MYH1: variants seen among roughly 807,000 people sequenced by gnomAD.
MYH1 encodes myosin heavy chain 1.
MYH1 carries 214 observed loss-of-function variants against 225.6 expected under a neutral mutation model. The observed-to-expected ratio is 0.95, with a 90% CI of 0.85 to 1.06. The LOEUF (loss-of-function observed/expected upper bound fraction) is 1.06. MYH1 is among the 50% of genes least tolerant of loss of function. MYH1 has a pLI of 0.00. For missense variants in MYH1, 2,098 were observed against 2,344.2 expected (o/e 0.89, Z 2.17); for synonymous variants, 774 against 842.3 (o/e 0.92, Z 1.40).
At chr17:10,504,761 A>T in intron 22 of MYH1, 49 bp downstream of exon 22, 2 of 1,603,270 alleles carry the variant, frequency 1.2e-6, no homozygotes, top group Non-Finnish European at 1.7e-6. Context: ...GTGACCACTG[A>T]GCTGAAGTTT....
rs1273469457 is a variant in MYH1 at position 10,512,102 on chromosome 17, T to C, written c.1238A>G (p.Tyr413Cys). 6.8e-6 allele frequency: 11 copies of C among 1,614,078 alleles called. No homozygotes were observed. Among genetic ancestry groups the C allele is most frequent in the Non-Finnish European group, 9.3e-6 (11 of 1,180,020 alleles). ...CTGCACAGTTTGACCTTTGGTGACA[T>C]ACTCATTGCCGACCTTGACCCTAGG... ...CYPRVKVGNE[Y>C]VTKGQTVQQV... The change falls in exon 13 of 40, where the codon TAT becomes TGT. Residue 413 changes from tyrosine (Y) to cysteine (C), a missense_variant. By Grantham distance (194) the Tyr-to-Cys change is radical. Transcript: ENST00000226207.
Position 10,494,677 on chromosome 17 carries a change from C to A in MYH1, c.5467-4G>T. On this transcript the variant is annotated splice_polypyrimidine_tract_variant and splice_region_variant and intron_variant, in intron 37 of 39. Coordinates refer to ENST00000226207, the MANE Select transcript of MYH1 (RefSeq NM_005963.4). ...CTTCACCTTCAAGTTCACGAACCTA[C>A]AAGAAGATGGACATTTTAAGGACAT... The A allele has an allele frequency of 6.2e-7, 1 of 1,613,494 alleles. No homozygotes were observed. Among genetic ancestry groups the A allele is most frequent in the South Asian group, 1.1e-5 (1 of 90,962 alleles).
At position 10,516,239 on chromosome 17, in the gene MYH1, A is replaced by G. The variant is rs187270597; in HGVS notation, c.308T>C (p.Leu103Pro). The G allele has an allele frequency of 5.6e-6, 9 of 1,614,264 alleles. No homozygotes were observed. In the East Asian group the frequency reaches 1.6e-4, roughly 28 times the overall value. The change falls in exon 4 of 40, where the codon CTG becomes CCG. Residue 103 changes from leucine (L) to proline (P), a missense_variant. Leu to Pro is a moderately conservative substitution (Grantham distance 98). Transcript: ENST00000226207. ...MMTHLHEPAV[L>P]YNLKERYAAW... ...TGCGTAGCGCTCTTTGAGGTTGTAC[A>G]GCACAGCAGGCTCGTGTAGATGAGT...
chr17:10,494,378 G>A lies in MYH1; in HGVS notation c.5643C>T (p.Ser1881=), dbSNP rs951592102. Residue 1881 remains serine, a synonymous_variant, in exon 39 of 40, where the codon TCC becomes TCT. Coordinates refer to ENST00000226207, the MANE Select transcript of MYH1 (RefSeq NM_005963.4). ...LVDKLQAKVK[S]YKRQAEEAEE... ...CCGCTTCTTCAGCTTGTCTCTTGTAGGATTTCACCTTTGCTTGCAGTTTGT... is the reference window on the plus strand; with the variant it reads ...CCGCTTCTTCAGCTTGTCTCTTGTAAGATTTCACCTTTGCTTGCAGTTTGT... The A allele has an allele frequency of 4.3e-6, 7 of 1,613,964 alleles. No individual in the cohort carries two copies. The highest frequency in any genetic ancestry group is 1.3e-5 in the African/African-American group (1 of 74,870).
Position 10,498,778 on chromosome 17 carries a change from G to C in MYH1, c.4029C>G (p.Asp1343Glu), listed in dbSNP as rs1321536766. 35 of 1,614,114 alleles carry C rather than the reference G, an allele frequency of 2.2e-5. No homozygotes were observed. The highest frequency in any genetic ancestry group is 3.0e-5 in the Non-Finnish European group (35 of 1,180,040). The change falls in exon 30 of 40, where the codon GAC (aspartate) becomes GAG (glutamate). Residue 1343 changes from aspartate to glutamate, a missense_variant. Transcript: ENST00000226207. The part of the protein sequence containing the change: ...LAHALQSSRH[D>E]CDLLREQYEE... ...CATACTGTTCCCGCAGCAGGTCACA[G>C]TCATGGCGGGAGGACTGCAGGGCAT...
chr17:10,515,621 A>C (rs1435889072), intron 5 of MYH1, among the ~76,000 whole-genome samples: 3 of 152,196 alleles, frequency 2.0e-5, no homozygotes, highest in Non-Finnish European at 2.9e-5. Context: ...GTTGTTACTT[A>C]ATCTTGGCTC....
Position 10,494,915 on chromosome 17 carries a change from T to C in MYH1, c.5466+16A>G. The C allele has an allele frequency of 6.2e-7, 1 of 1,614,130 alleles. No homozygotes were observed. The highest frequency in any genetic ancestry group is 1.3e-5 in the African/African-American group (1 of 75,042). ...ATTGGAATGAGATAGAAATACATGC[T>C]GATTAGGAGACCCACCCTGGCCTCC... On this transcript the variant is annotated intron_variant, in intron 37 of 39. Coordinates refer to ENST00000226207, the MANE Select transcript of MYH1 (RefSeq NM_005963.4).
At chr17:10,504,767 A>G (rs1333872877) in intron 22 of MYH1, 43 bp downstream of exon 22, 1 of 1,607,602 alleles carries the variant, frequency 6.2e-7, no homozygotes, top group East Asian at 2.2e-5. Flanking sequence ...ACTGAGCTGA[A>G]GTTTTAGCAT....
At chr17:10,504,118 G>C (rs2073085105) in intron 22 of MYH1, among the ~76,000 whole-genome samples, 1 of 152,154 alleles carries the variant, frequency 6.6e-6, no homozygotes, top group Non-Finnish European at 1.5e-5. Flanking sequence ...TTCTGCTGTT[G>C]GTTTTGGTGG....
rs764000949 is a variant in MYH1 at position 10,501,333 on chromosome 17, T to G, written c.3515A>C (p.Glu1172Ala). 89 of 1,614,058 alleles carry G rather than the reference T, an allele frequency of 5.5e-5. No individual in the cohort carries two copies. Among genetic ancestry groups the G allele is most frequent in the Non-Finnish European group, 7.1e-5 (84 of 1,180,042 alleles). The change falls in exon 27 of 40, where the codon GAG becomes GCG. Residue 1172 changes from glutamate to alanine, a missense_variant. By Grantham distance (107) the Glu-to-Ala change is moderately radical (BLOSUM62 -1). Transcript: ENST00000226207. ...CCTGCGCATTTTCTGGAACTCAGCC[T>G]CCCGCTTCTTGTTCATCTCAATCTG... The part of the protein sequence containing the change: ...SAQIEMNKKR[E>A]AEFQKMRRDL...
At chr17:10,499,618 G>A (rs915263667) in intron 28 of MYH1, among the ~76,000 whole-genome samples, 1 of 152,148 alleles carries the variant, frequency 6.6e-6, no homozygotes, top group African/African-American at 2.4e-5. Flanking sequence ...TTCTGGATAA[G>A]TACTTTCCAA....
chr17:10,502,859 G>A lies in MYH1; in HGVS notation c.2990C>T (p.Thr997Ile). 1 of 1,613,946 alleles carries A rather than the reference G, an allele frequency of 6.2e-7. No individual in the cohort carries two copies. The highest frequency in any genetic ancestry group is 1.1e-5 in the South Asian group (1 of 91,060). The change falls in exon 24 of 40, where the codon ACC (threonine) becomes ATC (isoleucine). Residue 997 changes from threonine (T) to isoleucine (I), a missense_variant. Coordinates refer to ENST00000226207, the MANE Select transcript of MYH1 (RefSeq NM_005963.4). ...CTCCTGGAGAGCCTTCTTCTCCTTG[G>A]TCAGCTTAGCAATGGTTTCATCCAG... ...AGLDETIAKL[T>I]KEKKALQEAH...
Position 10,512,488 on chromosome 17 carries a change from G to A in MYH1, c.1067C>T (p.Thr356Ile). ...SDERVSIYKL[T>I]GAVMHYGNMK... is the part of the protein sequence containing the mutation. The stretch of plus-strand genomic sequence containing the variant: ...GTTCCCATAATGCATCACAGCCCCT[G>A]TGAGCTTATAGATGGACACTCTTTC... Residue 356 changes from threonine to isoleucine, a missense_variant, in exon 12 of 40, where the codon ACA becomes ATA. Coordinates refer to ENST00000226207, the MANE Select transcript of MYH1 (RefSeq NM_005963.4). The A allele has an allele frequency of 1.9e-6, 3 of 1,614,038 alleles. No individual in the cohort carries two copies. Among genetic ancestry groups the A allele is most frequent in the African/African-American group, 1.3e-5 (1 of 74,988 alleles).
intron 22 of MYH1, 92 bp downstream of exon 22, chr17:10,504,718 T>C (rs2142266635): frequency 7.2e-7 from 1 of 1,394,084 alleles, no homozygotes; most frequent in Admixed American, 2.1e-5. Flanking sequence ...TCATAATCTG[T>C]CCCTTATTTG....
In MYH1 at chr17:10,495,932, T is replaced by G; in HGVS notation, c.5169+18A>C. 6.2e-7 allele frequency: 1 copy of G among 1,613,972 alleles called. No homozygotes were observed. On this transcript the variant is annotated intron_variant, in intron 35 of 39. Transcript: ENST00000226207. ...TTTCATACCCTTGTATTTGTTGCTATTCTATTATTACATGCACCTGGGTGT... is the reference window on the plus strand; with the variant it reads ...TTTCATACCCTTGTATTTGTTGCTAGTCTATTATTACATGCACCTGGGTGT...
At chr17:10,502,960 T>C (rs375840679) in intron 23 of MYH1, 46 bp from the exon 24 acceptor site, 2 of 1,614,024 alleles carry the variant, frequency 1.2e-6, no homozygotes, top group East Asian at 2.2e-5. Context: ...AGCACCTTTG[T>C]TGGGTGGCAG....
intron 5 of MYH1, among the ~76,000 whole-genome samples, chr17:10,515,659 G>A (rs1044589374): frequency 6.6e-6 from 1 of 152,096 alleles, no homozygotes; most frequent in Admixed American, 6.5e-5. Context: ...AAAATAAATT[G>A]TGTGTTTCCA....
At chr17:10,505,774 A>G (rs753956445) in intron 19 of MYH1, 38 bp downstream of exon 19, 1 of 1,611,860 alleles carries the variant, frequency 6.2e-7, no homozygotes, top group South Asian at 1.1e-5. Flanking sequence ...AAAAGTAATA[A>G]AAACCTCTTA....
At position 10,514,022 on chromosome 17, in the gene MYH1, A is replaced by G. The variant is rs369122284; in HGVS notation, c.636T>C (p.Ser212=). ...CAATCAGACTCACCTGCATTTTGCC[A>G]GAAGTAACTTCTTCCTTCTTCTTCT... is the stretch of plus-strand genomic sequence containing the variant. ...TGEKKKEEVT[S]GKMQGTLEDQ... is the part of the protein sequence containing the mutation. The change falls in exon 7 of 40, where the codon TCT becomes TCC. Residue 212 remains serine, a synonymous_variant. Transcript: ENST00000226207. The G allele has an allele frequency of 4.3e-5, 69 of 1,614,074 alleles. No homozygotes were observed. The highest frequency in any genetic ancestry group is 5.7e-5 in the Non-Finnish European group (67 of 1,180,008).
Sources: gnomAD v4.1 joint callset for allele counts (sites outside exome capture counted in the v4.1 genomes callset) on GRCh38, gnomAD v4.1.1 for gene constraint, MANE v1.5 for transcripts, NCBI Gene and HGNC (gene_info 2026-07-23, HGNC 2026-07-21) for gene names.